TRIM9: variants seen among roughly 807,000 people sequenced by gnomAD.
TRIM9 encodes the protein tripartite motif containing 9.
A neutral mutation model predicts 78.3 loss-of-function variants in TRIM9; 26 were observed. That is an observed-to-expected ratio of 0.33 (90% CI 0.24 to 0.46). TRIM9 has a LOEUF of 0.46. TRIM9 is among the 20% of genes least tolerant of loss of function. The probability of loss-of-function intolerance (pLI) is 1.00; values close to 1 mark genes in which losing one functional copy is unlikely to be tolerated. For synonymous variants in TRIM9, 398 were observed against 416.5 expected (o/e 0.96, Z 0.54); for missense variants, 787 against 1,036.4 (o/e 0.76, Z 3.30).
chr14:51,036,285 C>A (rs903937014), intron 1 of TRIM9, among the ~76,000 whole-genome samples: 1 of 152,214 alleles, frequency 6.6e-6, no homozygotes, highest in Non-Finnish European at 1.5e-5. Context: ...GCAAACACTA[C>A]AAATAAGAAT....
chr14:50,979,054 T>G (rs2051447738), intron 12 of TRIM9: 1 of 1,318,322 alleles, frequency 7.6e-7, no homozygotes, highest in Admixed American at 3.5e-5. Flanking sequence ...TAAGTCATTC[T>G]ATTTGTTTTC....
Position 51,002,876 on chromosome 14 carries a change from C to T in TRIM9, c.1307-2036G>A, listed in dbSNP as rs186162630. Reference sequence around the variant, plus strand: ...TCAAAATTAGTGCCTGTTAAAACTGCAGGCAATTGGTTTAGGAGAAGAAAT... The same window carrying T: ...TCAAAATTAGTGCCTGTTAAAACTGTAGGCAATTGGTTTAGGAGAAGAAAT... On this transcript the variant is annotated intron_variant, in intron 5 of 12. Transcript: ENST00000684578. 7.2e-5 allele frequency among the ~76,000 whole-genome samples: 11 copies of T among 152,288 alleles called. No homozygotes were observed. In the East Asian group the frequency reaches 1.9e-3, roughly 27 times the overall value.
In TRIM9 at chr14:51,019,028, A is replaced by G. The variant is rs539857703; in HGVS notation, c.1041+3807T>C. ...TATGTCTTTGGGCTTATCAAGAGAA[A>G]GTGGCATATGTAAAGTTTCTGAAGA... is the stretch of plus-strand genomic sequence containing the variant. On this transcript the variant is annotated intron_variant, in intron 3 of 12. Coordinates refer to ENST00000684578, the MANE Select transcript of TRIM9 (RefSeq NM_001387360.1). 2.0e-5 allele frequency among the ~76,000 whole-genome samples: 3 copies of G among 152,380 alleles called. No individual in the cohort carries two copies. The South Asian group carries it at 6.2e-4, about 32-fold the overall frequency.
chr14:51,018,420 A>T (rs1038167252), intron 3 of TRIM9, among the ~76,000 whole-genome samples: 1 of 151,328 alleles, frequency 6.6e-6, no homozygotes, highest in African/African-American at 2.4e-5. Context: ...TTTGCCTGTC[A>T]TAAAACGATG....
At chr14:51,022,252 G>T (rs1361059245) in intron 3 of TRIM9, among the ~76,000 whole-genome samples, 1 of 152,182 alleles carries the variant, frequency 6.6e-6, no homozygotes, top group East Asian at 1.9e-4. Flanking sequence ...ATGGACGAAT[G>T]CTATTATCTT....
intron 1 of TRIM9, among the ~76,000 whole-genome samples, chr14:51,051,797 T>A (rs2060446992): frequency 6.6e-6 from 1 of 151,896 alleles, no homozygotes; most frequent in African/African-American, 2.4e-5. Flanking sequence ...TGAAACCCCA[T>A]CTCTACTAAA....
chr14:51,020,278 G>T (rs1403969971), intron 3 of TRIM9, among the ~76,000 whole-genome samples: 1 of 152,192 alleles, frequency 6.6e-6, no homozygotes, highest in African/African-American at 2.4e-5. Context: ...AGAGGAGAGC[G>T]AGCGAGCCGT....
At chr14:50,991,204 G>T (rs113607832) in intron 7 of TRIM9, among the ~76,000 whole-genome samples, 29 of 152,282 alleles carry the variant, frequency 1.9e-4, no homozygotes, top group African/African-American at 6.5e-4. Context: ...ATTACATACA[G>T]AGGATTCCAA....
intron 1 of TRIM9, among the ~76,000 whole-genome samples, chr14:51,049,824 C>CAA (rs202227387): frequency 8.2e-4 from 101 of 122,592 alleles, no homozygotes; most frequent in African/African-American, 3.1e-3. Context: ...GACTCTGTCT[C>CAA]AAAAAAAAAA....
In TRIM9 at chr14:51,008,935, A is replaced by C. The variant is rs1414478819; in HGVS notation, c.1306+145T>G. On this transcript the variant is annotated intron_variant, in intron 5 of 12. Coordinates refer to ENST00000684578, the MANE Select transcript of TRIM9 (RefSeq NM_001387360.1). ...TCCAGCTTGCTGAAAGGTAGGTCACACATTTATAAGGATACATTTTCATTA... is the reference window on the plus strand; with the variant it reads ...TCCAGCTTGCTGAAAGGTAGGTCACCCATTTATAAGGATACATTTTCATTA... The C allele has an allele frequency of 7.6e-6, 6 of 791,200 alleles. No individual in the cohort carries two copies. The African/African-American group carries it at 1.0e-4, about 14-fold the overall frequency. 49.0% of individuals were successfully genotyped at this position (791,200 alleles called of 1,614,324 possible). A position where few individuals can be genotyped will look rare whatever the true frequency, so the allele number is the denominator to read the frequency against.
At position 51,032,404 on chromosome 14, in the gene TRIM9, T is replaced by C. The variant is rs552870189; in HGVS notation, c.823-7044A>G. Among the ~76,000 whole-genome samples the C allele has an allele frequency of 9.2e-5, 14 of 152,350 alleles. No homozygotes were observed. In the East Asian group the frequency reaches 1.5e-3, roughly 17 times the overall value. ...AGCTGCAGGGAATATCAGCTGTTGATAGATTACCCTAGGAATTGCTCTTGG... is the reference window on the plus strand; with the variant it reads ...AGCTGCAGGGAATATCAGCTGTTGACAGATTACCCTAGGAATTGCTCTTGG... On this transcript the variant is annotated intron_variant, in intron 1 of 12. Coordinates refer to ENST00000684578, the MANE Select transcript of TRIM9 (RefSeq NM_001387360.1).
chr14:50,976,101 C>G lies in TRIM9; in HGVS notation c.*1190G>C, dbSNP rs1328797003. Reference sequence around the variant, plus strand: ...CCCATTACTGAGAATGGGTCCTTTGCCCTCTGGTCACTCTTTTTTTTTTCA... The same window carrying G: ...CCCATTACTGAGAATGGGTCCTTTGGCCTCTGGTCACTCTTTTTTTTTTCA... On this transcript the variant is annotated 3_prime_UTR_variant, in exon 13 of 13. Coordinates refer to ENST00000684578, the MANE Select transcript of TRIM9 (RefSeq NM_001387360.1). 6.6e-6 allele frequency: 1 copy of G among 152,536 alleles called. No homozygotes were observed. Among genetic ancestry groups the G allele is most frequent in the Admixed American group, 6.5e-5 (1 of 15,268 alleles). 9.4% of individuals were successfully genotyped at this position (152,536 alleles called of 1,614,324 possible).
intron 7 of TRIM9, 108 bp downstream of exon 7, chr14:50,997,942 T>C: frequency 3.9e-6 from 6 of 1,542,904 alleles, no homozygotes; most frequent in Non-Finnish European, 5.2e-6. Flanking sequence ...GAGCAAGTCA[T>C]GGAAACACTT....
chr14:51,015,500 C>CTTTTATTTTTT (rs1365183081), intron 3 of TRIM9, among the ~76,000 whole-genome samples: 1 of 103,478 alleles, frequency 9.7e-6, no homozygotes, highest in African/African-American at 4.0e-5. Context: ...TCTTTCTTTA[C>CTTTTATTTTTT]TTTTCTTTTT....
At chr14:51,015,505 CTTTTTTTTTTTTTTTT>C (rs369652663) in intron 3 of TRIM9, among the ~76,000 whole-genome samples, 11 of 61,330 alleles carry the variant, frequency 1.8e-4, no homozygotes, top group Admixed American at 2.2e-4. Flanking sequence ...CTTTACTTTT[CTTTTTTTTTTTTTTTT>C]TTTTTTTTTT....
At chr14:51,061,287 C>T (rs368252402) in intron 1 of TRIM9, among the ~76,000 whole-genome samples, 1 of 151,994 alleles carries the variant, frequency 6.6e-6, no homozygotes, top group East Asian at 1.9e-4. Flanking sequence ...GTGGTGGGCA[C>T]CTGTAATCCC....
intron 1 of TRIM9, among the ~76,000 whole-genome samples, chr14:51,083,336 C>G (rs923688347): frequency 1.3e-5 from 2 of 152,090 alleles, no homozygotes; most frequent in African/African-American, 2.4e-5. Context: ...ACTGTAATCT[C>G]GAACTCCTGG....
chr14:51,054,630 A>AG (rs2060739488), intron 1 of TRIM9, among the ~76,000 whole-genome samples: 1 of 150,616 alleles, frequency 6.6e-6, no homozygotes, highest in South Asian at 2.1e-4. Context: ...GCCAAGTTGG[A>AG]GTGCAGTGGC....
At chr14:51,030,885 G>T (rs966115607) in intron 1 of TRIM9, among the ~76,000 whole-genome samples, 1 of 152,030 alleles carries the variant, frequency 6.6e-6, no homozygotes, top group African/African-American at 2.4e-5. Context: ...GGTGGCTCAT[G>T]CTTGTAATCC....
Sources: allele counts gnomAD v4.1 joint callset (sites outside exome capture counted in the v4.1 genomes callset), GRCh38; gene constraint gnomAD v4.1.1; transcripts MANE v1.5; gene names NCBI Gene and HGNC (gene_info 2026-07-23, HGNC 2026-07-21).